Variants in NCOA2 observed in about 807,000 individuals in gnomAD.
NCOA2 encodes the protein nuclear receptor coactivator 2.
A neutral mutation model predicts 145.1 loss-of-function variants in NCOA2; 21 were observed. That is an observed-to-expected ratio of 0.14 (90% confidence interval 0.10 to 0.21). The LOEUF (loss-of-function observed/expected upper bound fraction) is 0.21. Ranked by LOEUF, NCOA2 falls within the 10% of genes least tolerant of loss-of-function variation. NCOA2 has a pLI of 1.00. For missense variants in NCOA2, 1,472 were observed against 1,837.6 expected (o/e 0.80, Z 3.64); for synonymous variants, 619 against 637.5 (o/e 0.97, Z 0.44).
rs376458267 is a variant in NCOA2 at position 70,138,238 on chromosome 8, C to T, written c.3123G>A (p.Leu1041=). 60 of 1,613,658 alleles carry T rather than the reference C, an allele frequency of 3.7e-5. No individual in the cohort carries two copies. The highest frequency in any genetic ancestry group is 4.9e-5 in the Non-Finnish European group (58 of 1,179,784). ...NQTAPWPESI[L]PIDQASFASQ... ...TGGCAAAAGACGCCTGGTCTATAGG[C>T]AGGATGCTTTCAGGCCATGGGGCAG... The change falls in exon 15 of 23, where the codon CTG becomes CTA. Residue 1041 remains leucine, a synonymous_variant. Transcript: ENST00000452400.
intron 3 of NCOA2, among the ~76,000 whole-genome samples, chr8:70,216,027 G>A (rs1159844513): frequency 2.0e-5 from 3 of 152,012 alleles, no homozygotes; most frequent in Non-Finnish European, 4.4e-5. Flanking sequence ...AGGTTTTTCC[G>A]AATCTTTTGC....
At position 70,227,048 on chromosome 8, in the gene NCOA2, C is replaced by T. The variant is rs568677061; in HGVS notation, c.-19-10284G>A. On this transcript the variant is annotated intron_variant, in intron 2 of 22. Coordinates refer to ENST00000452400, the MANE Select transcript of NCOA2 (RefSeq NM_006540.4). ...AGTGAAAGTAACACTTTTTTAAATGCCTCCTGATCAGCTGCCTCTTTCCCA... is the reference window on the plus strand; with the variant it reads ...AGTGAAAGTAACACTTTTTTAAATGTCTCCTGATCAGCTGCCTCTTTCCCA... Among the ~76,000 whole-genome samples, 13 of 152,278 alleles carry T rather than the reference C, an allele frequency of 8.5e-5. No individual in the cohort carries two copies. The South Asian group carries it at 2.7e-3, about 32-fold the overall frequency.
At chr8:70,280,297 A>G (rs1051573638) in intron 2 of NCOA2, among the ~76,000 whole-genome samples, 68 of 152,320 alleles carry the variant, frequency 4.5e-4, no homozygotes, top group African/African-American at 1.6e-3. Flanking sequence ...GGAAATTGTG[A>G]CATCTGAAGC....
At chr8:70,201,026 G>A (rs1817823921) in intron 4 of NCOA2, among the ~76,000 whole-genome samples, 1 of 142,076 alleles carries the variant, frequency 7.0e-6, no homozygotes, top group Non-Finnish European at 1.5e-5. Flanking sequence ...CTCCAGCCTG[G>A]GTAACAGGGT....
the NCOA2 span, among the ~76,000 whole-genome samples, chr8:70,411,000 C>G: frequency 6.6e-6 from 1 of 151,962 alleles, no homozygotes; most frequent in Non-Finnish European, 1.5e-5. Context: ...TTTTGACAAA[C>G]CATTGTCAAA....
At chr8:70,321,124 G>A (rs904106643) in intron 1 of NCOA2, among the ~76,000 whole-genome samples, 10 of 152,026 alleles carry the variant, frequency 6.6e-5, no homozygotes, top group African/African-American at 1.2e-4. Context: ...CTAGGCCCCT[G>A]GAAAGCCTCA....
At chr8:70,122,457 A>G (rs1807934436) in intron 21 of NCOA2, among the ~76,000 whole-genome samples, 1 of 150,642 alleles carries the variant, frequency 6.6e-6, no homozygotes, top group Non-Finnish European at 1.5e-5. Context: ...GAGTCTTACT[A>G]TGTTGCCCAG....
chr8:70,258,204 A>G (rs956003622), intron 2 of NCOA2, among the ~76,000 whole-genome samples: 1 of 152,128 alleles, frequency 6.6e-6, no homozygotes, highest in African/African-American at 2.4e-5. Context: ...GGTGTGAACC[A>G]CCTGTAATGC....
At position 70,391,373 on chromosome 8, in the gene NCOA2, A is replaced by G. The variant is rs564172912; in HGVS notation, c.-77+12327T>C. Among the ~76,000 whole-genome samples the G allele has an allele frequency of 3.3e-5, 5 of 152,300 alleles. No individual in the cohort carries two copies. The South Asian group carries it at 8.3e-4, about 25-fold the overall frequency. On this transcript the variant is annotated intron_variant, in intron 1 of 22. Transcript: ENST00000452400. ...AAATCTACTTCCCAGGAGGGAAAAA[A>G]TATCTCAAGTTGTTAGACGGTAAAT...
chr8:70,444,649 A>T, the NCOA2 span, among the ~76,000 whole-genome samples: 1 of 152,222 alleles, frequency 6.6e-6, no homozygotes, highest in South Asian at 2.1e-4. Flanking sequence ...ATCTCCCCAC[A>T]TTATTTCTTA....
chr8:70,261,349 GAACAAAAGGCCA>G (rs1410456652), intron 2 of NCOA2, among the ~76,000 whole-genome samples: 4 of 151,628 alleles, frequency 2.6e-5, no homozygotes, highest in Non-Finnish European at 2.9e-5. Flanking sequence ...ACTATCGCAG[GAACAAAAGGCCA>G]AACACCGCAT....
chr8:70,375,945 A>C (rs191423328), intron 1 of NCOA2, among the ~76,000 whole-genome samples: 7 of 152,328 alleles, frequency 4.6e-5, no homozygotes, highest in Admixed American at 3.9e-4. Context: ...CCTGACAATA[A>C]GAGTCACCGA....
intron 9 of NCOA2, among the ~76,000 whole-genome samples, chr8:70,160,680 A>AGAGAGAGAGAGAGG (rs1288575858): frequency 1.6e-5 from 2 of 123,524 alleles, no homozygotes; most frequent in African/African-American, 3.7e-5. Context: ...AGAGAGAGAG[A>AGAGAGAGAGAGAGG]GGGAGAGAGA....
intron 1 of NCOA2, among the ~76,000 whole-genome samples, chr8:70,334,883 G>A (rs577813674): frequency 1.3e-5 from 2 of 152,150 alleles, no homozygotes; most frequent in African/African-American, 4.8e-5. Context: ...TCAGCACTTT[G>A]GGAGGCCGAG....
At chr8:70,303,227 T>C (rs183467446) in intron 1 of NCOA2, among the ~76,000 whole-genome samples, 2 of 152,130 alleles carry the variant, frequency 1.3e-5, no homozygotes, top group Admixed American at 1.3e-4. Flanking sequence ...TGGCAGAAAA[T>C]ATAAAGAAAG....
chr8:70,426,170 G>A, the NCOA2 span, among the ~76,000 whole-genome samples: 1 of 152,156 alleles, frequency 6.6e-6, no homozygotes, highest in African/African-American at 2.4e-5. Context: ...AACAAGTTTG[G>A]GAGGTAGACT....
intron 11 of NCOA2, among the ~76,000 whole-genome samples, chr8:70,151,552 T>C (rs1811751634): frequency 6.6e-6 from 1 of 152,202 alleles, no homozygotes; most frequent in African/African-American, 2.4e-5. Flanking sequence ...CTTCCCAAAG[T>C]GTTGGGATTA....
chr8:70,134,268 C>T (rs1218557443), intron 15 of NCOA2, among the ~76,000 whole-genome samples: 4 of 152,222 alleles, frequency 2.6e-5, no homozygotes, highest in African/African-American at 9.7e-5. Context: ...ACTGGACTGT[C>T]TGCCATGATA....
chr8:70,328,910 A>T (rs1288160680), intron 1 of NCOA2, among the ~76,000 whole-genome samples: 2 of 152,166 alleles, frequency 1.3e-5, no homozygotes, highest in Non-Finnish European at 2.9e-5. Context: ...GGTAGTACCT[A>T]GTACCTACTA....
Sources: allele counts gnomAD v4.1 joint callset (sites outside exome capture counted in the v4.1 genomes callset), GRCh38; gene constraint gnomAD v4.1.1; transcripts MANE v1.5; gene names NCBI Gene and HGNC (gene_info 2026-07-23, HGNC 2026-07-21).